SCAPER: variants seen among roughly 807,000 people sequenced by gnomAD.
SCAPER encodes the protein S phase cyclin A-associated protein in the endoplasmic reticulum.
Under a neutral mutation model 182.2 loss-of-function variants are expected in SCAPER, and 98 were observed. The ratio of observed to expected loss-of-function variants is 0.54; its 90% CI spans 0.46 to 0.64. The LOEUF (loss-of-function observed/expected upper bound fraction) is 0.64. Ranked by LOEUF, SCAPER falls within the 30% of genes least tolerant of loss-of-function variation. The pLI, the probability that SCAPER is intolerant of heterozygous loss-of-function variation, is 0.00. For synonymous variants in SCAPER, 605 were observed against 564.6 expected, an observed-to-expected ratio of 1.07 and a Z score of -1.01; for missense variants, 1,432 against 1,690.0, an observed-to-expected ratio of 0.85 and a Z score of 2.68.
intron 2 of SCAPER, 66 bp from the exon 3 acceptor site, chr15:76,862,599 C>A: frequency 2.0e-6 from 2 of 995,616 alleles, no homozygotes; most frequent in South Asian, 1.8e-5. Flanking sequence ...TTAACAAAGT[C>A]ATTATTTCTC....
intron 1 of SCAPER, among the ~76,000 whole-genome samples, chr15:76,896,699 G>A (rs560152021): frequency 2.6e-5 from 4 of 152,108 alleles, no homozygotes; most frequent in South Asian, 2.1e-4. Context: ...CAGGCAGACC[G>A]CCTTGAGTCT....
chr15:76,827,188 T>C (rs1201460569), intron 5 of SCAPER, among the ~76,000 whole-genome samples: 1 of 152,210 alleles, frequency 6.6e-6, no homozygotes, highest in Non-Finnish European at 1.5e-5. Context: ...TTTCCTCTCT[T>C]TGTCTAAAAG....
At chr15:76,387,684 T>G (rs181220300) in intron 27 of SCAPER, among the ~76,000 whole-genome samples, 1 of 152,242 alleles carries the variant, frequency 6.6e-6, no homozygotes, top group Non-Finnish European at 1.5e-5. Context: ...GAGAGTATGG[T>G]GCCCTAGAAG....
intron 21 of SCAPER, among the ~76,000 whole-genome samples, chr15:76,652,116 A>G (rs151027729): frequency 2.6e-4 from 39 of 150,194 alleles, no homozygotes; most frequent in African/African-American, 8.3e-4. Context: ...CATCAAAGAA[A>G]CATAACTAAA....
At chr15:76,852,903 G>A (rs773707464) in intron 4 of SCAPER, among the ~76,000 whole-genome samples, 3 of 151,972 alleles carry the variant, frequency 2.0e-5, no homozygotes, top group Non-Finnish European at 4.4e-5. Flanking sequence ...TCCAGGAGTC[G>A]GTTCTTTGAA....
rs190663060 is a variant in SCAPER, at chr15:76,891,959, G to A, written c.-59-8083C>T. Among the ~76,000 whole-genome samples, 79 of 152,208 alleles carry A rather than the reference G, an allele frequency of 5.2e-4. 1 individual carries two copies. The East Asian group carries it at 8.7e-3, about 17-fold the overall frequency. ...AAGGCTACAGTAACCAAAACAGCAC[G>A]GTACTGGTACCAAAACAGATACATA... On this transcript the variant is annotated intron_variant, in intron 1 of 31. Transcript: ENST00000563290.
At chr15:76,570,510 G>A (rs1567488322) in intron 23 of SCAPER, among the ~76,000 whole-genome samples, 2 of 151,154 alleles carry the variant, frequency 1.3e-5, no homozygotes, top group Non-Finnish European at 3.0e-5. Context: ...ATTGTCATCA[G>A]TGGAAGGACA....
At chr15:76,562,616 T>A (rs75877293) in intron 23 of SCAPER, among the ~76,000 whole-genome samples, 1 of 152,176 alleles carries the variant, frequency 6.6e-6, no homozygotes, top group African/African-American at 2.4e-5. Flanking sequence ...AAATGTCTGA[T>A]AATAACAAGC....
At chr15:76,786,114 G>A (rs1054534748) in intron 8 of SCAPER, among the ~76,000 whole-genome samples, 11 of 152,022 alleles carry the variant, frequency 7.2e-5, no homozygotes, top group Non-Finnish European at 1.0e-4. Flanking sequence ...GGATCACAAG[G>A]TGAGGAGTTT....
chr15:76,396,118 C>T (rs954888559), intron 27 of SCAPER, among the ~76,000 whole-genome samples: 1 of 152,122 alleles, frequency 6.6e-6, no homozygotes, highest in African/African-American at 2.4e-5. Context: ...CTCTTGGCAC[C>T]TTTGTCAAAA....
intron 2 of SCAPER, among the ~76,000 whole-genome samples, chr15:76,873,328 A>G (rs1340489340): frequency 3.6e-5 from 3 of 84,412 alleles, no homozygotes; most frequent in Admixed American, 1.2e-4. Context: ...GAAGGAAGGA[A>G]GGAAGGCAGG....
chr15:76,650,013 C>T (rs942826511), intron 21 of SCAPER, among the ~76,000 whole-genome samples: 10 of 152,112 alleles, frequency 6.6e-5, no homozygotes, highest in African/African-American at 2.4e-4. Context: ...GGATTTGTTA[C>T]ATGAAGAAGT....
intron 24 of SCAPER, among the ~76,000 whole-genome samples, chr15:76,497,983 C>A (rs1597039322): frequency 1.2e-5 from 1 of 84,600 alleles, no homozygotes; most frequent in African/African-American, 4.7e-5. Flanking sequence ...GAGCGAGACT[C>A]CGTCTCAAAA....
At chr15:76,511,843 A>ATATATGTGTGTGTGTGTG (rs151255382) in intron 23 of SCAPER, among the ~76,000 whole-genome samples, 2 of 123,296 alleles carry the variant, frequency 1.6e-5, no homozygotes, top group African/African-American at 6.7e-5. Context: ...ATATATATAT[A>ATATATGTGTGTGTGTGTG]TGTGTGTGTG....
intron 4 of SCAPER, among the ~76,000 whole-genome samples, chr15:76,848,498 T>C (rs1340975325): frequency 1.3e-5 from 2 of 151,562 alleles, no homozygotes; most frequent in African/African-American, 2.4e-5. Flanking sequence ...CATACCCAGT[T>C]AATTTTTTTG....
intron 25 of SCAPER, among the ~76,000 whole-genome samples, chr15:76,456,707 T>C (rs1299090158): frequency 3.3e-5 from 5 of 152,246 alleles, no homozygotes; most frequent in African/African-American, 4.8e-5. Flanking sequence ...AAAATATCCA[T>C]CTCTGAGAAT....
chr15:76,826,999 C>T (rs1270447293), intron 5 of SCAPER, among the ~76,000 whole-genome samples: 2 of 152,142 alleles, frequency 1.3e-5, no homozygotes, highest in Admixed American at 6.5e-5. Context: ...TTACCAATCA[C>T]ATACATGATT....
At chr15:76,788,456 T>C (rs2064772806) in intron 8 of SCAPER, among the ~76,000 whole-genome samples, 1 of 152,200 alleles carries the variant, frequency 6.6e-6, no homozygotes, top group South Asian at 2.1e-4. Flanking sequence ...AAAATAAATC[T>C]GTATATCATA....
intron 5 of SCAPER, among the ~76,000 whole-genome samples, chr15:76,815,373 A>C (rs1220726059): frequency 3.9e-5 from 6 of 152,218 alleles, no homozygotes; most frequent in African/African-American, 1.4e-4. Context: ...GTGTCCATCA[A>C]TGGATAAATG....
Sources: gnomAD v4.1 joint callset for allele counts (sites outside exome capture counted in the v4.1 genomes callset) on GRCh38, gnomAD v4.1.1 for gene constraint, MANE v1.5 for transcripts, NCBI Gene and HGNC (gene_info 2026-07-23, HGNC 2026-07-21) for gene names.